Variants in ACTRT3 observed in about 807,000 individuals in gnomAD.
ACTRT3 encodes the protein actin-related protein T3.
Under a neutral mutation model 17.6 loss-of-function variants are expected in ACTRT3, and 15 were observed. The observed-to-expected ratio is 0.85, with a 90% confidence interval of 0.57 to 1.31. The LOEUF is 1.31. Among genes scored for constraint, ACTRT3 ranks in the 50% most tolerant of loss-of-function variants. The pLI, the probability that ACTRT3 is intolerant of heterozygous loss-of-function variation, is 0.00. For missense variants in ACTRT3, 457 were observed against 466.7 expected (o/e 0.98, Z 0.19); for synonymous variants, 169 against 176.4 (o/e 0.96, Z 0.33).
chr3:169,768,267 A>T lies in ACTRT3; in HGVS notation c.284T>A (p.Leu95Gln). ...WKHIYDYNLK[L>Q]KPCDGPVLIT... ...CAAGACTGGGCCATCACACGGCTTCAGCTTTAGGTTATAGTCATAGATATG... is the reference window on the plus strand; with the variant it reads ...CAAGACTGGGCCATCACACGGCTTCTGCTTTAGGTTATAGTCATAGATATG... Residue 95 changes from leucine (L) to glutamine (Q), a missense_variant, in exon 2 of 2, where the codon CTG becomes CAG. Leu to Gln is a moderately radical substitution (Grantham distance 113). Coordinates refer to ENST00000330368, the MANE Select transcript of ACTRT3 (RefSeq NM_032487.5). 2 of 1,613,902 alleles carry T rather than the reference A, an allele frequency of 1.2e-6. No individual in the cohort carries two copies. Among genetic ancestry groups the T allele is most frequent in the Non-Finnish European group, 1.7e-6 (2 of 1,180,030 alleles).
At position 169,767,540 on chromosome 3, in the gene ACTRT3, C is replaced by G; in HGVS notation, c.1011G>C (p.Trp337Cys). The G allele has an allele frequency of 6.2e-7, 1 of 1,614,090 alleles. No homozygotes were observed. The highest frequency in any genetic ancestry group is 1.3e-5 in the African/African-American group (1 of 75,070). Residue 337 changes from tryptophan (W) to cysteine (C), a missense_variant, in exon 2 of 2, where the codon TGG (tryptophan) becomes TGC (cysteine). Coordinates refer to ENST00000330368, the MANE Select transcript of ACTRT3 (RefSeq NM_032487.5). ...AGGATGCAAGAATAGAACCTCCCAT[C>G]CACACTGATATTTTCCTTTCTGGAG... ...IAPPERKISV[W>C]MGGSILASLS...
chr3:169,767,325 G>T lies in ACTRT3; in HGVS notation c.*107C>A. ...TTATAGAAATACAACAGAAATATTG[G>T]CATCCCAATAGGTGAAGTATTTTCT... On this transcript the variant is annotated 3_prime_UTR_variant, in exon 2 of 2. Transcript: ENST00000330368. 2 of 972,976 alleles carry T rather than the reference G, an allele frequency of 2.1e-6. No homozygotes were observed. The highest frequency in any genetic ancestry group is 2.9e-6 in the Non-Finnish European group (2 of 681,376). 60.3% of individuals were successfully genotyped at this position (972,976 alleles called of 1,614,324 possible).
intron 1 of ACTRT3, among the ~76,000 whole-genome samples, 157 bp from the exon 2 acceptor site, chr3:169,768,507 C>A (rs1778023310): frequency 6.6e-6 from 1 of 151,884 alleles, no homozygotes; most frequent in Non-Finnish European, 1.5e-5. Flanking sequence ...CCAAAAATAG[C>A]ACAGCTACTT....
rs767314219 is a variant in ACTRT3 at position 169,768,258 on chromosome 3, C to A, written c.293G>T (p.Cys98Phe). ...IYDYNLKLKP[C>F]DGPVLITEPA... ...CTCAGTAATCAAGACTGGGCCATCA[C>A]ACGGCTTCAGCTTTAGGTTATAGTC... The change falls in exon 2 of 2, where the codon TGT becomes TTT. Residue 98 changes from cysteine (C) to phenylalanine (F), a missense_variant. Transcript: ENST00000330368. The A allele has an allele frequency of 6.2e-7, 1 of 1,613,944 alleles. No homozygotes were observed. The highest frequency in any genetic ancestry group is 8.5e-7 in the Non-Finnish European group (1 of 1,180,040).
intron 1 of ACTRT3, 146 bp from the exon 2 acceptor site, chr3:169,768,496 G>C: frequency 1.4e-6 from 1 of 729,766 alleles, no homozygotes; most frequent in East Asian, 2.8e-5. Flanking sequence ...GTAAGTGTCA[G>C]CCAAAAATAG....
Position 169,769,347 on chromosome 3 carries a change from C to T in ACTRT3, c.174G>A (p.Gln58=). Residue 58 remains glutamine (Q), a synonymous_variant, in exon 1 of 2, where the codon CAG becomes CAA. Coordinates refer to ENST00000330368, the MANE Select transcript of ACTRT3 (RefSeq NM_032487.5). ...GLELCVGDQA[Q]DWRSSLFISY... Reference sequence around the variant, plus strand: ...TGATGAACAGCGAGCTCCTCCAGTCCTGAGCTTGGTCGCCCACGCAGAGTT... The same window carrying T: ...TGATGAACAGCGAGCTCCTCCAGTCTTGAGCTTGGTCGCCCACGCAGAGTT... The T allele has an allele frequency of 6.6e-7, 1 of 1,517,942 alleles. No homozygotes were observed. Among genetic ancestry groups the T allele is most frequent in the Non-Finnish European group, 8.8e-7 (1 of 1,139,072 alleles). 94.0% of individuals were successfully genotyped at this position (1,517,942 alleles called of 1,614,324 possible).
intron 1 of ACTRT3, among the ~76,000 whole-genome samples, 177 bp from the exon 2 acceptor site, chr3:169,768,527 ATT>A (rs397708676): frequency 1.3e-4 from 18 of 140,370 alleles, no homozygotes; most frequent in Non-Finnish European, 1.6e-4. Context: ...TACCTCTGCA[ATT>A]TTTTTTTTTT....
At position 169,767,347 on chromosome 3, in the gene ACTRT3, T is replaced by G; in HGVS notation, c.*85A>C. On this transcript the variant is annotated 3_prime_UTR_variant, in exon 2 of 2. Coordinates refer to ENST00000330368, the MANE Select transcript of ACTRT3 (RefSeq NM_032487.5). ...TTGGCATCCCAATAGGTGAAGTATT[T>G]TCTCTTCTCCCAGAAACATATAATA... The G allele has an allele frequency of 7.9e-7, 1 of 1,268,530 alleles. No individual in the cohort carries two copies. The allele number at this position is 1,268,530 out of a possible 1,614,324, so 78.6% of individuals were successfully genotyped here. A position where few individuals can be genotyped will look rare whatever the true frequency, so the allele number is the denominator to read the frequency against.
At chr3:169,768,877 T>C (rs555578919) in intron 1 of ACTRT3, among the ~76,000 whole-genome samples, 2 of 152,300 alleles carry the variant, frequency 1.3e-5, no homozygotes, top group Admixed American at 1.3e-4. Context: ...TTTGGAACCT[T>C]GTGACTTTTA....
rs754011027 is a variant in ACTRT3, at chr3:169,769,369, A to C, written c.152T>G (p.Leu51Arg). Residue 51 changes from leucine (L) to arginine (R), a missense_variant, in exon 1 of 2, where the codon CTC becomes CGC. Coordinates refer to ENST00000330368, the MANE Select transcript of ACTRT3 (RefSeq NM_032487.5). ...QSRAAQGGLELCVGDQAQDWR... is the reference protein window; with the variant it reads ...QSRAAQGGLERCVGDQAQDWR... ...GTCCTGAGCTTGGTCGCCCACGCAG[A>C]GTTCTAGCCCGCCCTGGGCCGCGCG... The C allele has an allele frequency of 1.0e-5, 16 of 1,585,566 alleles. No individual in the cohort carries two copies. Among genetic ancestry groups the C allele is most frequent in the Non-Finnish European group, 1.3e-5 (15 of 1,170,178 alleles).
chr3:169,767,702 AT>A lies in ACTRT3; in HGVS notation c.848del (p.Asp283ValfsTer4). On this transcript the variant is annotated frameshift_variant, in exon 2 of 2. Transcript: ENST00000330368. LOFTEE classifies it high-confidence loss of function. Reference sequence around the variant, plus strand: ...AAAAGAAGGAATTCCTCAGGCCTGTATCACATTTCATTATGCTGCTGAAGCA... The same window carrying A: ...AAAAGAAGGAATTCCTCAGGCCTGTACACATTTCATTATGCTGCTGAAGCA... ...KICFSSIMKC[D>X]TGLRNSFFSN... 2 of 1,614,036 alleles carry A rather than the reference AT, an allele frequency of 1.2e-6. No individual in the cohort carries two copies. The highest frequency in any genetic ancestry group is 1.3e-5 in the African/African-American group (1 of 75,068).
chr3:169,768,208 G>T lies in ACTRT3; in HGVS notation c.343C>A (p.Arg115=), dbSNP rs566421754. ...AAAAACATTTCCGTGATCTGTTGCC[G>T]GTTGGCCAGTGGGTTCAGCGCTGGC... ...TEPALNPLAN[R]QQITEMFFEH... is the part of the protein sequence containing the mutation. The change falls in exon 2 of 2, where the codon CGG becomes AGG. Residue 115 remains arginine (R), a synonymous_variant. Coordinates refer to ENST00000330368, the MANE Select transcript of ACTRT3 (RefSeq NM_032487.5). 49 of 1,613,960 alleles carry T rather than the reference G, an allele frequency of 3.0e-5. No homozygotes were observed. The East Asian group carries it at 6.0e-4, about 20-fold the overall frequency.
Position 169,768,354 on chromosome 3 carries a change from T to C in ACTRT3, c.201-4A>G. On this transcript the variant is annotated splice_region_variant and splice_polypyrimidine_tract_variant and intron_variant, in intron 1 of 1. Transcript: ENST00000330368. ...GAGACCACGCTCCACTGGGTAACTG[T>C]AAGGAAAGCAATAAGATCAATGACA... 3.1e-6 allele frequency: 5 copies of C among 1,599,782 alleles called. No individual in the cohort carries two copies. The South Asian group carries it at 5.5e-5, about 18-fold the overall frequency.
chr3:169,769,223 C>A (rs1227593777), intron 1 of ACTRT3, 98 bp downstream of exon 1: 2 of 137,050 alleles, frequency 1.5e-5, no homozygotes, highest in Admixed American at 7.1e-5. Flanking sequence ...CCCCCAGCCA[C>A]CCCAGCCCCA....
Position 169,768,094 on chromosome 3 carries a change from T to C in ACTRT3, c.457A>G (p.Asn153Asp). The C allele has an allele frequency of 6.2e-7, 1 of 1,614,030 alleles. No homozygotes were observed. Among genetic ancestry groups the C allele is most frequent in the Non-Finnish European group, 8.5e-7 (1 of 1,180,016 alleles). ...AAGFTTGLVL[N>D]SGAGVTQSVP... Reference sequence around the variant, plus strand: ...CTCTGGGTAACCCCAGCACCTGAATTCAGCACAAGGCCAGTAGTGAAGCCA... The same window carrying C: ...CTCTGGGTAACCCCAGCACCTGAATCCAGCACAAGGCCAGTAGTGAAGCCA... The change falls in exon 2 of 2, where the codon AAT becomes GAT. Residue 153 changes from asparagine to aspartate, a missense_variant. Coordinates refer to ENST00000330368, the MANE Select transcript of ACTRT3 (RefSeq NM_032487.5).
intron 1 of ACTRT3, among the ~76,000 whole-genome samples, chr3:169,768,574 C>G (rs1267532154): frequency 6.6e-6 from 1 of 150,502 alleles, no homozygotes; most frequent in Non-Finnish European, 1.5e-5. Context: ...GTCACCCAGG[C>G]TGGAGTGCAG....
rs1450660739 is a variant in ACTRT3, at chr3:169,767,263, T to G, written c.*169A>C. ...AACTTGGTTCTACTCAATAGACATC[T>G]GTTCTTGAGCTTCACCATTATTATC... On this transcript the variant is annotated 3_prime_UTR_variant, in exon 2 of 2. Coordinates refer to ENST00000330368, the MANE Select transcript of ACTRT3 (RefSeq NM_032487.5). The G allele has an allele frequency of 7.2e-6, 4 of 554,666 alleles. No individual in the cohort carries two copies. The highest frequency in any genetic ancestry group is 1.2e-5 in the Non-Finnish European group (4 of 328,936). The allele number at this position is 554,666 out of a possible 1,614,324, so 34.4% of individuals were successfully genotyped here.
Position 169,769,355 on chromosome 3 carries a change from G to C in ACTRT3, c.166C>G (p.Gln56Glu). Residue 56 changes from glutamine to glutamate, a missense_variant, in exon 1 of 2, where the codon CAA (glutamine) becomes GAA (glutamate). By Grantham distance (29) the Gln-to-Glu change is conservative. Coordinates refer to ENST00000330368, the MANE Select transcript of ACTRT3 (RefSeq NM_032487.5). ...QGGLELCVGDQAQDWRSSLFI... is the reference protein window; with the variant it reads ...QGGLELCVGDEAQDWRSSLFI... ...AGCGAGCTCCTCCAGTCCTGAGCTTGGTCGCCCACGCAGAGTTCTAGCCCG... is the reference window on the plus strand; with the variant it reads ...AGCGAGCTCCTCCAGTCCTGAGCTTCGTCGCCCACGCAGAGTTCTAGCCCG... 1.9e-6 allele frequency: 3 copies of C among 1,548,000 alleles called. No individual in the cohort carries two copies. The highest frequency in any genetic ancestry group is 2.6e-6 in the Non-Finnish European group (3 of 1,153,424).
At position 169,768,015 on chromosome 3, in the gene ACTRT3, A is replaced by G; in HGVS notation, c.536T>C (p.Leu179Pro). 1 of 1,614,186 alleles carries G rather than the reference A, an allele frequency of 6.2e-7. No homozygotes were observed. Among genetic ancestry groups the G allele is most frequent in the South Asian group, 1.1e-5 (1 of 91,088 alleles). ...CLPHGVQQLD[L>P]AGLDLTNYLM... Reference sequence around the variant, plus strand: ...GTAGTTGGTGAGGTCAAGGCCTGCCAGATCCAGTTGCTGCACACCATGAGG... The same window carrying G: ...GTAGTTGGTGAGGTCAAGGCCTGCCGGATCCAGTTGCTGCACACCATGAGG... The change falls in exon 2 of 2, where the codon CTG becomes CCG. Residue 179 changes from leucine to proline, a missense_variant. Transcript: ENST00000330368.
Sources: gnomAD v4.1 joint callset for allele counts (sites outside exome capture counted in the v4.1 genomes callset) on GRCh38, gnomAD v4.1.1 for gene constraint, MANE v1.5 for transcripts, NCBI Gene and HGNC (gene_info 2026-07-23, HGNC 2026-07-21) for gene names.